Variants in RIMKLA observed in about 807,000 individuals in gnomAD.
RIMKLA encodes the protein N-acetylaspartylglutamate synthase A.
A neutral mutation model predicts 32.7 loss-of-function variants in RIMKLA; 14 were observed. The observed-to-expected ratio is 0.43, with a 90% CI of 0.28 to 0.67. RIMKLA has a LOEUF of 0.67. Ranked by LOEUF, RIMKLA falls within the 30% of genes least tolerant of loss-of-function variation. The pLI is 0.18. For missense variants in RIMKLA, 410 were observed against 519.0 expected (o/e 0.79, Z 2.04); for synonymous variants, 176 against 204.1 (o/e 0.86, Z 1.18).
At chr1:42,383,951 T>C (rs1307568852) in intron 1 of RIMKLA, among the ~76,000 whole-genome samples, 1 of 152,250 alleles carries the variant, frequency 6.6e-6, no homozygotes, top group Non-Finnish European at 1.5e-5. Flanking sequence ...AATGTAATTT[T>C]ATAATTTAGG....
chr1:42,401,719 CAG>C (rs1253365595), intron 2 of RIMKLA, among the ~76,000 whole-genome samples: 3 of 152,134 alleles, frequency 2.0e-5, no homozygotes, highest in Non-Finnish European at 2.9e-5. Flanking sequence ...GAAATGGAAA[CAG>C]TGGCTTTCTA....
intron 1 of RIMKLA, among the ~76,000 whole-genome samples, chr1:42,385,838 T>TTCTCTCTCTCTCTCTCTCTCTC (rs777027519): frequency 4.3e-5 from 3 of 69,574 alleles, no homozygotes; most frequent in African/African-American, 1.3e-4. Context: ...CTTTCTTTCT[T>TTCTCTCTCTCTCTCTCTCTCTC]TCTTTCTCTT....
intron 1 of RIMKLA, among the ~76,000 whole-genome samples, chr1:42,382,734 T>TA (rs1221046070): frequency 2.0e-5 from 3 of 151,990 alleles, no homozygotes; most frequent in Admixed American, 6.6e-5. Flanking sequence ...GAATCAGTCC[T>TA]AAAAAAAAGA....
chr1:42,380,845 A>ACGCCGGCCGCCCCTCCGCT lies in RIMKLA; in HGVS notation c.-85_-67dup. 1.2e-6 allele frequency: 1 copy of ACGCCGGCCGCCCCTCCGCT among 833,084 alleles called. No homozygotes were observed. The highest frequency in any genetic ancestry group is 1.8e-5 in the African/African-American group (1 of 54,486). The allele number at this position is 833,084 out of a possible 1,614,324, so 51.6% of individuals were successfully genotyped here. ...CGGAGCCGTGGCGCGCTCGCCCCGG[A>ACGCCGGCCGCCCCTCCGCT]CGCCGGCCGCCCCTCCGCTCGCCCT... On this transcript the variant is annotated 5_prime_UTR_variant, in exon 1 of 5. Coordinates refer to ENST00000431473, the MANE Select transcript of RIMKLA (RefSeq NM_173642.4).
chr1:42,411,812 A>G (rs779881684), intron 4 of RIMKLA, among the ~76,000 whole-genome samples: 2 of 152,136 alleles, frequency 1.3e-5, no homozygotes, highest in Admixed American at 1.3e-4. Flanking sequence ...CTGGGACTAC[A>G]GGTGCACACC....
chr1:42,394,882 G>A (rs180802776), intron 1 of RIMKLA, among the ~76,000 whole-genome samples: 34 of 152,110 alleles, frequency 2.2e-4, no homozygotes, highest in African/African-American at 8.2e-4. Context: ...GATTACAGGC[G>A]TGCACACCAC....
At chr1:42,390,408 G>A (rs60289755) in intron 1 of RIMKLA, among the ~76,000 whole-genome samples, 22,959 of 152,132 alleles carry the variant, frequency 0.15, 1,835 homozygotes, top group East Asian at 0.22. Context: ...CTAATACAGC[G>A]GGAGAAATTG....
intron 1 of RIMKLA, among the ~76,000 whole-genome samples, chr1:42,384,284 T>A (rs749108574): frequency 2.1e-4 from 32 of 152,272 alleles, no homozygotes; most frequent in South Asian, 8.3e-4. Context: ...AGTAATCCTG[T>A]AGAAAACAGC....
In RIMKLA at chr1:42,423,276, G is replaced by A. The variant is rs1192797281; in HGVS notation, c.*8302G>A. Among the ~76,000 whole-genome samples, 1 of 152,100 alleles carries A rather than the reference G, an allele frequency of 6.6e-6. No individual in the cohort carries two copies. The highest frequency in any genetic ancestry group is 1.9e-4 in the East Asian group (1 of 5,198). On this transcript the variant is annotated 3_prime_UTR_variant, in exon 5 of 5. Transcript: ENST00000431473. Reference sequence around the variant, plus strand: ...TATTGTCCTTGAACCCAAACACTGGGGAATGTGGCCTATGTTTCTTTCTTC... The same window carrying A: ...TATTGTCCTTGAACCCAAACACTGGAGAATGTGGCCTATGTTTCTTTCTTC...
chr1:42,417,501 G>A lies in RIMKLA; in HGVS notation c.*2527G>A, dbSNP rs1035522289. 2 of 152,374 alleles carry A rather than the reference G, an allele frequency of 1.3e-5. No individual in the cohort carries two copies. Among genetic ancestry groups the A allele is most frequent in the Admixed American group, 6.5e-5 (1 of 15,306 alleles). The allele number at this position is 152,374 out of a possible 1,614,324, so 9.4% of individuals were successfully genotyped here. On this transcript the variant is annotated 3_prime_UTR_variant, in exon 5 of 5. Transcript: ENST00000431473. ...TCTCCGCTTGAACAGCTGACCTCGT[G>A]CAATCACAGGAACTCTGCGTCTCCA...
At chr1:42,409,956 C>T in intron 3 of RIMKLA, 28 bp from the exon 4 acceptor site, 1 of 1,580,264 alleles carries the variant, frequency 6.3e-7, no homozygotes, top group East Asian at 2.2e-5. Context: ...TTCTCTAACC[C>T]CTTCTCTTGC....
At chr1:42,384,898 C>T (rs144763122) in intron 1 of RIMKLA, among the ~76,000 whole-genome samples, 1 of 152,184 alleles carries the variant, frequency 6.6e-6, no homozygotes, top group Non-Finnish European at 1.5e-5. Context: ...GCCCACTGTT[C>T]CCTCCCACAT....
chr1:42,380,977 G>C lies in RIMKLA; in HGVS notation c.43G>C (p.Glu15Gln). The C allele has an allele frequency of 6.9e-7, 1 of 1,451,484 alleles. No homozygotes were observed. Among genetic ancestry groups the C allele is most frequent in the Non-Finnish European group, 9.1e-7 (1 of 1,102,154 alleles). The allele number at this position is 1,451,484 out of a possible 1,614,324, so 89.9% of individuals were successfully genotyped here. Residue 15 changes from glutamate to glutamine, a missense_variant, in exon 1 of 5, where the codon GAG becomes CAG. Physicochemically the swap from Glu to Gln is conservative, Grantham distance 29. Coordinates refer to ENST00000431473, the MANE Select transcript of RIMKLA (RefSeq NM_173642.4). ...GTTCCTGACGGACCGGCGCATCCGC[G>C]AGGACTACCCGCAGGTGCAGATCCT... is the stretch of plus-strand genomic sequence containing the variant. ...LWFLTDRRIR[E>Q]DYPQVQILRA...
chr1:42,424,207 A>G lies in RIMKLA; in HGVS notation c.*9233A>G, dbSNP rs1433510150. ...ATGTGTCCTTGTTTTTAGAAAATAC[A>G]CATTAAATATCGAGGGATAGAGGTA... On this transcript the variant is annotated 3_prime_UTR_variant, in exon 5 of 5. Coordinates refer to ENST00000431473, the MANE Select transcript of RIMKLA (RefSeq NM_173642.4). 1.3e-5 allele frequency among the ~76,000 whole-genome samples: 2 copies of G among 152,258 alleles called. No homozygotes were observed. The highest frequency in any genetic ancestry group is 4.8e-5 in the African/African-American group (2 of 41,466).
At position 42,405,179 on chromosome 1, in the gene RIMKLA, C is replaced by T. The variant is rs143770099; in HGVS notation, c.481+582C>T. Among the ~76,000 whole-genome samples, 99 of 152,354 alleles carry T rather than the reference C, an allele frequency of 6.5e-4. 2 individuals carry two copies. The East Asian group carries it at 0.017, about 26-fold the overall frequency. ...TCTGCTCATCCTTTAAGGCCAGCTC[C>T]AGATGTCATTTCTTTTCTGCACACA... On this transcript the variant is annotated intron_variant, in intron 3 of 4. Transcript: ENST00000431473.
intron 1 of RIMKLA, among the ~76,000 whole-genome samples, chr1:42,383,832 G>T (rs1411541334): frequency 1.3e-5 from 2 of 152,186 alleles, no homozygotes; most frequent in Admixed American, 6.5e-5. Flanking sequence ...TTCTAGCCCA[G>T]TGATATGGAA....
intron 2 of RIMKLA, among the ~76,000 whole-genome samples, chr1:42,401,418 C>T (rs558534677): frequency 2.9e-4 from 42 of 145,798 alleles, no homozygotes; most frequent in African/African-American, 1.0e-3. Flanking sequence ...ATGCCATTGC[C>T]AGCCCGGATG....
At position 42,385,844 on chromosome 1, in the gene RIMKLA, C is replaced by T. The variant is rs866610008; in HGVS notation, c.163+4747C>T. ...CCTTCCTTCCTTTCTTTCTTTCTTT[C>T]TCTTTCTTTCTTTCTTTCTTTCTTT... is the stretch of plus-strand genomic sequence containing the variant. On this transcript the variant is annotated intron_variant, in intron 1 of 4. Coordinates refer to ENST00000431473, the MANE Select transcript of RIMKLA (RefSeq NM_173642.4). Among the ~76,000 whole-genome samples, 20 of 57,072 alleles carry T rather than the reference C, an allele frequency of 3.5e-4. 2 individuals are homozygous for T. Among genetic ancestry groups the T allele is most frequent in the South Asian group, 6.1e-4 (1 of 1,648 alleles). The allele number at this position is 57,072 out of a possible 152,430, so 37.4% of individuals were successfully genotyped here.
Position 42,383,396 on chromosome 1 carries a change from C to T in RIMKLA, c.163+2299C>T, listed in dbSNP as rs562541359. On this transcript the variant is annotated intron_variant, in intron 1 of 4. Transcript: ENST00000431473. ...GATTAATTAAAGCACAAGTGAGTCC[C>T]AGGAGAATGACCTTGTTGGCTTTGT... is the stretch of plus-strand genomic sequence containing the variant. Among the ~76,000 whole-genome samples, 98 of 152,162 alleles carry T rather than the reference C, an allele frequency of 6.4e-4. 1 individual carries two copies. The highest frequency in any genetic ancestry group is 1.9e-4 in the Non-Finnish European group (13 of 68,038).
Sources: allele counts gnomAD v4.1 joint callset (sites outside exome capture counted in the v4.1 genomes callset), GRCh38; gene constraint gnomAD v4.1.1; transcripts MANE v1.5; gene names NCBI Gene and HGNC (gene_info 2026-07-23, HGNC 2026-07-21).